The following GAL3ST2 variants were observed in gnomAD, a reference collection of about 807,000 sequenced individuals.
GAL3ST2 encodes beta-galactose-3-O-sulfotransferase 2.
Under a neutral mutation model 12.9 loss-of-function variants are expected in GAL3ST2, and 16 were observed. The observed-to-expected ratio is 1.24, with a 90% CI of 0.84 to 1.88. GAL3ST2 has a LOEUF of 1.88. Among genes scored for constraint, GAL3ST2 ranks in the 40% most tolerant of loss-of-function variants. GAL3ST2 has a pLI of 0.00. For synonymous variants in GAL3ST2, 302 were observed against 273.9 expected (o/e 1.10, Z -1.01); for missense variants, 639 against 571.8 (o/e 1.12, Z -1.20).
intron 1 of GAL3ST2, among the ~76,000 whole-genome samples, chr2:241,787,153 A>G (rs1249010523): frequency 6.6e-6 from 1 of 152,032 alleles, no homozygotes; most frequent in Non-Finnish European, 1.5e-5. Flanking sequence ...GACCAAACCA[A>G]TGTTCATCTT....
At chr2:241,798,170 C>G (rs1699796834) in intron 1 of GAL3ST2, among the ~76,000 whole-genome samples, 1 of 152,196 alleles carries the variant, frequency 6.6e-6, no homozygotes, top group Admixed American at 6.5e-5. Context: ...CTTCCCTGAT[C>G]TGGCTGCACC....
At chr2:241,777,436 G>A (rs1050294272) in intron 1 of GAL3ST2, among the ~76,000 whole-genome samples, 4 of 152,158 alleles carry the variant, frequency 2.6e-5, no homozygotes, top group Non-Finnish European at 5.9e-5. Flanking sequence ...GGGTGGTGAC[G>A]GGGAGGCTGG....
chr2:241,797,930 G>A (rs910019341), intron 1 of GAL3ST2, among the ~76,000 whole-genome samples: 3 of 152,168 alleles, frequency 2.0e-5, no homozygotes, highest in African/African-American at 2.4e-5. Context: ...TGAGCTTGCC[G>A]AGTGCAGGTG....
chr2:241,778,509 T>G (rs1216103750), intron 1 of GAL3ST2, among the ~76,000 whole-genome samples: 3 of 152,210 alleles, frequency 2.0e-5, no homozygotes, highest in African/African-American at 7.2e-5. Context: ...GTTGCCTCCC[T>G]GGGGTGTGGC....
intron 1 of GAL3ST2, among the ~76,000 whole-genome samples, chr2:241,783,593 C>A (rs1481283136): frequency 1.3e-5 from 2 of 152,034 alleles, no homozygotes; most frequent in Non-Finnish European, 1.5e-5. Context: ...TATGAAATAT[C>A]TATTATCTAA....
chr2:241,794,642 C>T (rs1699748795), intron 1 of GAL3ST2, among the ~76,000 whole-genome samples: 1 of 152,180 alleles, frequency 6.6e-6, no homozygotes, highest in Admixed American at 6.5e-5. Flanking sequence ...GCTCCAACAG[C>T]AGGAAGTTTG....
chr2:241,785,777 C>CT (rs1176004363), intron 1 of GAL3ST2, among the ~76,000 whole-genome samples: 1 of 152,000 alleles, frequency 6.6e-6, no homozygotes, highest in African/African-American at 2.4e-5. Flanking sequence ...AAACAAAAAA[C>CT]TTTTGCTCAA....
At chr2:241,778,331 T>TGTG (rs1380303636) in intron 1 of GAL3ST2, among the ~76,000 whole-genome samples, 3 of 152,238 alleles carry the variant, frequency 2.0e-5, no homozygotes, top group Non-Finnish European at 2.9e-5. Context: ...TTCAAGGAGC[T>TGTG]GCCCAGAACA....
Position 241,802,056 on chromosome 2 carries a change from G to T in GAL3ST2, c.375+20G>T. 1 of 1,594,424 alleles carries T rather than the reference G, an allele frequency of 6.3e-7. No homozygotes were observed. The highest frequency in any genetic ancestry group is 2.3e-5 in the East Asian group (1 of 43,932). On this transcript the variant is annotated intron_variant, in intron 3 of 3. Coordinates refer to ENST00000192314, the MANE Select transcript of GAL3ST2 (RefSeq NM_022134.3). The surrounding 1 kb of genome is among the most constrained non-coding windows in gnomAD (Gnocchi z 4.8). Reference sequence around the variant, plus strand: ...CCTCAGGTACCGCGGGCCTGCTGGGGAGGAGGGCGGGCTGCAGCCGTGCCT... The same window carrying T: ...CCTCAGGTACCGCGGGCCTGCTGGGTAGGAGGGCGGGCTGCAGCCGTGCCT...
intron 1 of GAL3ST2, among the ~76,000 whole-genome samples, chr2:241,787,679 G>C (rs1228574834): frequency 1.3e-5 from 2 of 151,706 alleles, no homozygotes; most frequent in African/African-American, 4.9e-5. Context: ...TTCTTTTCCT[G>C]CTCTAGGATG....
Position 241,793,061 on chromosome 2 carries a change from G to A in GAL3ST2, c.30-6004G>A, listed in dbSNP as rs1699712400. 6.6e-6 allele frequency among the ~76,000 whole-genome samples: 1 copy of A among 152,188 alleles called. No individual in the cohort carries two copies. The highest frequency in any genetic ancestry group is 6.5e-5 in the Admixed American group (1 of 15,282). ...GTTCGTCCTGCATATGCGGACTGAT[G>A]TCTCATGTCTCCCTACAATGTATAA... is the stretch of plus-strand genomic sequence containing the variant. On this transcript the variant is annotated intron_variant, in intron 1 of 3. Transcript: ENST00000192314. This position sits in a 1 kb window ranked among gnomAD's most constrained non-coding sequence, Gnocchi z 4.7.
rs186925130 is a variant in GAL3ST2, at chr2:241,780,429, G to A, written c.29+3445G>A. Among the ~76,000 whole-genome samples, 11 of 152,296 alleles carry A rather than the reference G, an allele frequency of 7.2e-5. 1 individual carries two copies. The highest frequency in any genetic ancestry group is 2.6e-4 in the African/African-American group (11 of 41,576). On this transcript the variant is annotated intron_variant, in intron 1 of 3. Transcript: ENST00000192314. ...AGCTACTCAGAAGGCTGAGGCAGGA[G>A]AACTGCTTGAACCTGGGAGGTGGAG... is the stretch of plus-strand genomic sequence containing the variant.
chr2:241,784,333 T>C (rs1699603362), intron 1 of GAL3ST2, among the ~76,000 whole-genome samples: 1 of 152,216 alleles, frequency 6.6e-6, no homozygotes, highest in Admixed American at 6.5e-5. Context: ...ATGCCCGGCC[T>C]AAAGTCTTCT....
chr2:241,782,408 C>T (rs1176610345), intron 1 of GAL3ST2, among the ~76,000 whole-genome samples: 3 of 152,148 alleles, frequency 2.0e-5, no homozygotes, highest in African/African-American at 7.2e-5. Flanking sequence ...TCACTGCAAC[C>T]TCCACCTCCT....
At chr2:241,785,877 C>CAT (rs1699621514) in intron 1 of GAL3ST2, among the ~76,000 whole-genome samples, 2 of 151,958 alleles carry the variant, frequency 1.3e-5, no homozygotes, top group African/African-American at 4.8e-5. Flanking sequence ...CACACACACA[C>CAT]ATCCCTTGGA....
rs190438292 is a variant in GAL3ST2, at chr2:241,790,116, G to A, written c.30-8949G>A. 7.9e-5 allele frequency among the ~76,000 whole-genome samples: 12 copies of A among 152,124 alleles called. No homozygotes were observed. In the South Asian group the frequency reaches 1.0e-3, roughly 13 times the overall value. On this transcript the variant is annotated intron_variant, in intron 1 of 3. Transcript: ENST00000192314. ...TGCCCTAAAACTTTTTGTCATCCAC[G>A]GACATTTGTTGTCTTGTTTTGGTCC... is the stretch of plus-strand genomic sequence containing the variant.
At chr2:241,783,947 A>T (rs1559412931) in intron 1 of GAL3ST2, among the ~76,000 whole-genome samples, 1 of 152,170 alleles carries the variant, frequency 6.6e-6, no homozygotes, top group Non-Finnish European at 1.5e-5. Flanking sequence ...TGTGGACTAG[A>T]CTGTCTAAAG....
chr2:241,778,331 T>C (rs12472439), intron 1 of GAL3ST2, among the ~76,000 whole-genome samples: 6,247 of 152,350 alleles, frequency 0.041, 348 homozygotes, highest in East Asian at 0.15. Context: ...TTCAAGGAGC[T>C]GCCCAGAACA....
intron 1 of GAL3ST2, among the ~76,000 whole-genome samples, chr2:241,796,073 C>T (rs564237221): frequency 3.9e-5 from 6 of 152,266 alleles, no homozygotes; most frequent in African/African-American, 1.4e-4. Flanking sequence ...TTTGGGAGGT[C>T]CTAGTTCTAC....
Sources: gnomAD v4.1 joint callset for allele counts (sites outside exome capture counted in the v4.1 genomes callset) on GRCh38, gnomAD v4.1.1 for gene constraint, Gnocchi (gnomAD v3.1) non-coding constraint, MANE v1.5 for transcripts, NCBI Gene and HGNC (gene_info 2026-07-23, HGNC 2026-07-21) for gene names.